Variants in RAE1 observed in about 807,000 individuals in gnomAD.
RAE1 encodes ribonucleic acid export 1, also known as mRNA export factor RAE1.
A neutral mutation model predicts 52.7 loss-of-function variants in RAE1; 13 were observed. That is an observed-to-expected ratio of 0.25 (90% confidence interval 0.16 to 0.39). The LOEUF (loss-of-function observed/expected upper bound fraction) is 0.39. Among genes scored for constraint, RAE1 ranks in the 10% least tolerant of loss-of-function variants. The pLI, the probability that RAE1 is intolerant of heterozygous loss-of-function variation, is 1.00. For synonymous variants in RAE1, 164 were observed against 153.1 expected, an observed-to-expected ratio of 1.07 and a Z score of -0.52; for missense variants, 262 against 459.8, an observed-to-expected ratio of 0.57 and a Z score of 3.93.
chr20:57,370,810 C>T (rs1051505153), intron 8 of RAE1, among the ~76,000 whole-genome samples: 1 of 152,166 alleles, frequency 6.6e-6, no homozygotes, highest in African/African-American at 2.4e-5. Context: ...TTTGTTGCTG[C>T]CTCCCAGCAC....
chr20:57,375,584 C>T (rs559692405), intron 11 of RAE1, among the ~76,000 whole-genome samples: 6 of 152,250 alleles, frequency 3.9e-5, no homozygotes, highest in African/African-American at 1.4e-4. Context: ...TCCCCGTCCA[C>T]CAGCTCCTCC....
intron 8 of RAE1, 140 bp downstream of exon 8, chr20:57,368,952 A>G (rs1169395109): frequency 3.0e-6 from 2 of 669,774 alleles, no homozygotes; most frequent in African/African-American, 1.8e-5. Context: ...ATAAACACAA[A>G]TACTTAGTGA....
intron 1 of RAE1, among the ~76,000 whole-genome samples, chr20:57,352,918 C>G (rs73914833): frequency 6.6e-6 from 1 of 152,126 alleles, no homozygotes; most frequent in African/African-American, 2.4e-5. Context: ...GAAGTGTGGC[C>G]GGCAAGGACC....
chr20:57,361,850 C>G (rs2066896312), intron 4 of RAE1, among the ~76,000 whole-genome samples: 1 of 152,364 alleles, frequency 6.6e-6, no homozygotes. Context: ...GGGTCCCCAA[C>G]CCCCAGGCTG....
chr20:57,368,820 A>G lies in RAE1; in HGVS notation c.642+8A>G, dbSNP rs761090747. The G allele has an allele frequency of 6.3e-6, 10 of 1,596,522 alleles. No homozygotes were observed. The East Asian group carries it at 2.0e-4, about 32-fold the overall frequency. Reference sequence around the variant, plus strand: ...TCTCCACTGAAACATCAGGTGCGTCATTAGTCAAATCAAGAAGTATGTATT... The same window carrying G: ...TCTCCACTGAAACATCAGGTGCGTCGTTAGTCAAATCAAGAAGTATGTATT... On this transcript the variant is annotated splice_region_variant and intron_variant, in intron 8 of 11. Transcript: ENST00000395841.
intron 4 of RAE1, among the ~76,000 whole-genome samples, chr20:57,361,112 A>AAT (rs1374523879): frequency 1.3e-5 from 2 of 151,554 alleles, no homozygotes; most frequent in Non-Finnish European, 1.5e-5. Flanking sequence ...GAAAGAAAGA[A>AAT]AGAAATAGAA....
In RAE1 at chr20:57,351,281, T is replaced by C; in HGVS notation, c.-149T>C. On this transcript the variant is annotated 5_prime_UTR_variant, in exon 1 of 12. Transcript: ENST00000395841. ...TTTCCGCGGTAGTCAGGGCAGTTTCTACCGCAGGCTTAAGGAGGCTTCGGG... is the reference window on the plus strand; with the variant it reads ...TTTCCGCGGTAGTCAGGGCAGTTTCCACCGCAGGCTTAAGGAGGCTTCGGG... 2.0e-6 allele frequency: 2 copies of C among 985,470 alleles called. No homozygotes were observed. The highest frequency in any genetic ancestry group is 2.4e-6 in the Non-Finnish European group (2 of 829,940). The allele number at this position is 985,470 out of a possible 1,614,324, so 61.0% of individuals were successfully genotyped here. A position where few individuals can be genotyped will look rare whatever the true frequency, so the allele number is the denominator to read the frequency against.
rs765787418 is a variant in RAE1 at position 57,378,605 on chromosome 20, GCTGCGCTCAC to G, written c.*507_*516del. On this transcript the variant is annotated 3_prime_UTR_variant, in exon 12 of 12. Transcript: ENST00000395841. The stretch of plus-strand genomic sequence containing the variant: ...AACCTTAGGGGAAAGGGAGTCCCCA[GCTGCGCTCAC>G]TTCTGCTGCGCGGAACGGCAGCCTC... 3.5e-3 allele frequency: 543 copies of G among 153,300 alleles called. 2 individuals are homozygous for G. The highest frequency in any genetic ancestry group is 5.1e-3 in the Non-Finnish European group (353 of 68,776). The allele number at this position is 153,300 out of a possible 1,614,324, so 9.5% of individuals were successfully genotyped here. A position where few individuals can be genotyped will look rare whatever the true frequency, so the allele number is the denominator to read the frequency against.
At chr20:57,359,344 T>A (rs2066855031) in intron 4 of RAE1, 1 of 221,124 alleles carries the variant, frequency 4.5e-6, no homozygotes, top group South Asian at 1.8e-4. Context: ...GCTTATGCAA[T>A]GGAGAATGTC....
chr20:57,372,587 A>G (rs1387914802), intron 8 of RAE1: 2 of 152,256 alleles, frequency 1.3e-5, no homozygotes, highest in Admixed American at 6.5e-5. Flanking sequence ...TACTCACAAA[A>G]GTAATGGTCT....
chr20:57,351,704 G>A (rs2066712113), intron 1 of RAE1: 2 of 985,332 alleles, frequency 2.0e-6, no homozygotes, highest in Non-Finnish European at 2.4e-6. Flanking sequence ...CCCCTTACAC[G>A]TCTGGCGTCT....
At chr20:57,354,988 C>A (rs138736120) in intron 3 of RAE1, among the ~76,000 whole-genome samples, 172 bp downstream of exon 3, 5 of 152,198 alleles carry the variant, frequency 3.3e-5, no homozygotes, top group African/African-American at 1.2e-4. Flanking sequence ...ATTATTCTTA[C>A]ACCCGTTTTT....
At chr20:57,357,959 G>A (rs949313611) in intron 4 of RAE1, 2 of 152,168 alleles carry the variant, frequency 1.3e-5, no homozygotes, top group Non-Finnish European at 2.9e-5. Flanking sequence ...ATATGAAATC[G>A]TGTGGGCCAC....
At chr20:57,359,217 A>C in intron 4 of RAE1, 1 of 405,420 alleles carries the variant, frequency 2.5e-6, no homozygotes, top group Non-Finnish European at 4.3e-6. Context: ...ATTTTTTTGT[A>C]ATGTTTCCTT....
chr20:57,351,862 CG>C, intron 1 of RAE1: 2 of 985,402 alleles, frequency 2.0e-6, no homozygotes, highest in Non-Finnish European at 2.4e-6. Context: ...TGTCTTAGCC[CG>C]CCAAGTATTT....
chr20:57,368,800 A>G lies in RAE1; in HGVS notation c.630A>G (p.Pro210=), dbSNP rs2066993561. ...QPSEFRRIES[P]LKHQHRCVAI... The stretch of plus-strand genomic sequence containing the variant: ...CTGAATTCAGGAGGATAGAATCTCC[A>G]CTGAAACATCAGGTGCGTCATTAGT... Residue 210 remains proline, a synonymous_variant, in exon 8 of 12, where the codon CCA becomes CCG. Transcript: ENST00000395841. The G allele has an allele frequency of 6.2e-7, 1 of 1,611,140 alleles. No homozygotes were observed. Among genetic ancestry groups the G allele is most frequent in the African/African-American group, 1.3e-5 (1 of 74,890 alleles).
At position 57,360,460 on chromosome 20, in the gene RAE1, G is replaced by C. The variant is rs6070081; in HGVS notation, c.288+3922G>C. ...ATCGGGGTTTATTGATTATAGAACA[G>C]GCTCCTCTAGAGGGATATAAAGCAC... On this transcript the variant is annotated intron_variant, in intron 4 of 11. Coordinates refer to ENST00000395841, the MANE Select transcript of RAE1 (RefSeq NM_003610.4). Among the ~76,000 whole-genome samples, 297 of 152,310 alleles carry C rather than the reference G, an allele frequency of 1.9e-3. 1 individual carries two copies. The highest frequency in any genetic ancestry group is 6.8e-3 in the African/African-American group (284 of 41,562).
chr20:57,373,368 C>G, intron 8 of RAE1, 107 bp from the exon 9 acceptor site: 2 of 1,043,008 alleles, frequency 1.9e-6, no homozygotes, highest in South Asian at 3.0e-5. Flanking sequence ...GTGATTTTTT[C>G]TGGTTCTTCT....
intron 8 of RAE1, among the ~76,000 whole-genome samples, chr20:57,369,976 C>T (rs906795800): frequency 3.3e-5 from 5 of 152,106 alleles, no homozygotes; most frequent in Admixed American, 6.6e-5. Context: ...TCTCAGGAAC[C>T]GTATGCAGAG....
Sources: allele counts gnomAD v4.1 joint callset (sites outside exome capture counted in the v4.1 genomes callset), GRCh38; gene constraint gnomAD v4.1.1; transcripts MANE v1.5; gene names NCBI Gene and HGNC (gene_info 2026-07-23, HGNC 2026-07-21).